The following NUP133 variants were observed in gnomAD, a reference collection of about 807,000 sequenced individuals.
The protein encoded by NUP133 is nuclear pore complex protein Nup133.
In NUP133, 66 loss-of-function variants were observed where a neutral mutation model predicts 146.2. That is an observed-to-expected ratio of 0.45 (90% CI 0.37 to 0.55). The LOEUF (loss-of-function observed/expected upper bound fraction) is 0.55. NUP133 is among the 20% of genes least tolerant of loss of function. The probability of loss-of-function intolerance (pLI) is 0.00; values close to 1 mark genes in which losing one functional copy is unlikely to be tolerated. For missense variants in NUP133, 1,277 were observed against 1,374.8 expected (o/e 0.93, Z 1.12); for synonymous variants, 521 against 498.8 (o/e 1.04, Z -0.59).
At chr1:229,476,619 A>G (rs1661079879) in intron 13 of NUP133, among the ~76,000 whole-genome samples, 1 of 152,164 alleles carries the variant, frequency 6.6e-6, no homozygotes, top group African/African-American at 2.4e-5. Flanking sequence ...TGCCAAAATT[A>G]TCATTTAATT....
chr1:229,501,783 AAAC>A (rs1474248365), intron 3 of NUP133, among the ~76,000 whole-genome samples: 1 of 152,236 alleles, frequency 6.6e-6, no homozygotes, highest in Admixed American at 6.5e-5. Flanking sequence ...TATTAAATGT[AAAC>A]AACACAGATC....
intron 15 of NUP133, among the ~76,000 whole-genome samples, chr1:229,469,369 C>T (rs1487322755): frequency 6.6e-6 from 1 of 152,218 alleles, no homozygotes; most frequent in African/African-American, 2.4e-5. Context: ...GGCTGCCCAG[C>T]ATCTTAACCA....
rs554392392 is a variant in NUP133 at position 229,504,450 on chromosome 1, C to T, written c.301+1590G>A. Among the ~76,000 whole-genome samples, 4 of 152,298 alleles carry T rather than the reference C, an allele frequency of 2.6e-5. No homozygotes were observed. The East Asian group carries it at 7.7e-4, about 29-fold the overall frequency. On this transcript the variant is annotated intron_variant, in intron 2 of 25. Transcript: ENST00000261396. ...TTGCTCTTCCAGTGTCATCCAACTG[C>T]TCATCTTTAAAGTTGCCTTTCTAAG...
intron 23 of NUP133, among the ~76,000 whole-genome samples, chr1:229,449,873 ATTTTTTTTTT>A (rs71281043): frequency 1.2e-5 from 1 of 85,798 alleles, no homozygotes; most frequent in African/African-American, 5.1e-5. Flanking sequence ...ATATATATAT[ATTTTTTTTTT>A]TTTTTTTTTT....
intron 19 of NUP133, among the ~76,000 whole-genome samples, chr1:229,462,999 T>C (rs1344396478): frequency 2.0e-5 from 3 of 152,236 alleles, no homozygotes; most frequent in Non-Finnish European, 4.4e-5. Flanking sequence ...CCAATATTCA[T>C]GTACCTAAGT....
chr1:229,477,483 T>C (rs994482670), intron 13 of NUP133, 114 bp downstream of exon 13: 46 of 739,970 alleles, frequency 6.2e-5, no homozygotes, highest in Non-Finnish European at 6.7e-5. Context: ...TTAAAAAATA[T>C]TGAATTAATA....
chr1:229,477,661 G>A lies in NUP133; in HGVS notation c.1692C>T (p.Ile564=), dbSNP rs760497140. ...GGTAGTCATCCATCAGGTCTACACTGATTTGGGTAACTGCCCTGTCTAGTT... is the reference window on the plus strand; with the variant it reads ...GGTAGTCATCCATCAGGTCTACACTAATTTGGGTAACTGCCCTGTCTAGTT... ...DSELDRAVTQ[I]SVDLMDDYPA... The change falls in exon 13 of 26, where the codon ATC becomes ATT. Residue 564 remains isoleucine, a synonymous_variant. Transcript: ENST00000261396. The A allele has an allele frequency of 6.2e-7, 1 of 1,614,090 alleles. No homozygotes were observed. Among genetic ancestry groups the A allele is most frequent in the Non-Finnish European group, 8.5e-7 (1 of 1,179,996 alleles).
chr1:229,506,673 G>A (rs913970222), intron 1 of NUP133, among the ~76,000 whole-genome samples: 2 of 151,830 alleles, frequency 1.3e-5, no homozygotes, highest in Non-Finnish European at 2.9e-5. Flanking sequence ...TTGGGAGGCC[G>A]AAGCGGGAAG....
chr1:229,464,592 T>C (rs746361602), intron 18 of NUP133, 32 bp downstream of exon 18: 5 of 1,607,714 alleles, frequency 3.1e-6, no homozygotes, highest in Non-Finnish European at 4.3e-6. Context: ...ATTCAGCAAA[T>C]TTAAAACTCT....
chr1:229,460,079 T>C lies in NUP133; in HGVS notation c.2844+532A>G, dbSNP rs754597527. On this transcript the variant is annotated intron_variant, in intron 20 of 25. Transcript: ENST00000261396. ...CGAACAAATGTACGGTGATGTCTCA[T>C]TGTGATATAAATTTGCATTTCCCTA... 2.6e-5 allele frequency among the ~76,000 whole-genome samples: 4 copies of C among 152,240 alleles called. No individual in the cohort carries two copies. The South Asian group carries it at 8.3e-4, about 32-fold the overall frequency.
intron 15 of NUP133, 102 bp from the exon 16 acceptor site, chr1:229,466,858 T>C (rs896291426): frequency 4.7e-5 from 44 of 938,856 alleles, no homozygotes; most frequent in African/African-American, 4.2e-4. Flanking sequence ...CTCAGACCTA[T>C]AGATGGAGGA....
chr1:229,500,691 T>C, intron 4 of NUP133, 65 bp downstream of exon 4: 14 of 898,452 alleles, frequency 1.6e-5, no homozygotes, highest in Non-Finnish European at 2.3e-5. Flanking sequence ...AAGAGGATGA[T>C]TCCTCTAACT....
Position 229,486,377 on chromosome 1 carries a change from G to A in NUP133, c.1494C>T (p.Asn498=), listed in dbSNP as rs61756009. 5,186 of 1,576,896 alleles carry A rather than the reference G, an allele frequency of 3.3e-3. 26 individuals are homozygous for A. Among genetic ancestry groups the A allele is most frequent in the Non-Finnish European group, 3.4e-3 (4,014 of 1,171,422 alleles). The change falls in exon 11 of 26, where the codon AAC becomes AAT. Residue 498 remains asparagine, a synonymous_variant. Transcript: ENST00000261396. ...GSLASSVAGP[N]SESMIFETTT... ...TCTTATCGAATCACATTACCTCACTGTTTGGTCCAGCAACTGAAGATGCTA... is the reference window on the plus strand; with the variant it reads ...TCTTATCGAATCACATTACCTCACTATTTGGTCCAGCAACTGAAGATGCTA...
intron 17 of NUP133, 29 bp downstream of exon 17, chr1:229,465,391 G>T (rs765088370): frequency 2.7e-6 from 4 of 1,483,852 alleles, no homozygotes; most frequent in South Asian, 2.3e-5. Flanking sequence ...AATATATTTT[G>T]AACAACTGTT....
chr1:229,488,090 C>A (rs987239152), intron 9 of NUP133, among the ~76,000 whole-genome samples: 1 of 152,104 alleles, frequency 6.6e-6, no homozygotes, highest in South Asian at 2.1e-4. Context: ...AGGTGATCCA[C>A]CCACCTCAGC....
At chr1:229,505,047 A>C (rs1661899322) in intron 2 of NUP133, among the ~76,000 whole-genome samples, 1 of 152,128 alleles carries the variant, frequency 6.6e-6, no homozygotes, top group Non-Finnish European at 1.5e-5. Context: ...AGACCTTTTC[A>C]TTATTTATTT....
rs772756679 is a variant in NUP133 at position 229,465,503 on chromosome 1, G to A, written c.2216C>T (p.Ala739Val). The change falls in exon 17 of 26, where the codon GCT (alanine) becomes GTT (valine). Residue 739 changes from alanine to valine, a missense_variant. Physicochemically the swap from Ala to Val is moderately conservative, Grantham distance 64. Around this residue, in one of 3 missense-constraint regions of NUP133, gnomAD observed 952 missense variants for 1,047.0 expected, o/e 0.91. Transcript: ENST00000261396. ...GTTTCTATTTTGGCGATAATGACTA[G>A]CAGCCTGCAGCATATCCTGGAAAAA... ...NNILKDMLQAASHYRQNRNSL... is the reference protein window; with the variant it reads ...NNILKDMLQAVSHYRQNRNSL... 6.2e-7 allele frequency: 1 copy of A among 1,613,346 alleles called. No individual in the cohort carries two copies. Among genetic ancestry groups the A allele is most frequent in the Non-Finnish European group, 8.5e-7 (1 of 1,179,456 alleles).
Position 229,485,316 on chromosome 1 carries a change from T to C in NUP133, c.1500+1055A>G, listed in dbSNP as rs192377997. Among the ~76,000 whole-genome samples the C allele has an allele frequency of 1.9e-3, 293 of 152,152 alleles. 1 individual carries two copies. The highest frequency in any genetic ancestry group is 6.8e-3 in the Middle Eastern group (2 of 294). On this transcript the variant is annotated intron_variant, in intron 11 of 25. Coordinates refer to ENST00000261396, the MANE Select transcript of NUP133 (RefSeq NM_018230.3). ...ACAGGTCCTGAGGATTTGAGGACAATAGAAAAGGGAAGTTCTGGGATGACA... is the reference window on the plus strand; with the variant it reads ...ACAGGTCCTGAGGATTTGAGGACAACAGAAAAGGGAAGTTCTGGGATGACA...
At position 229,449,328 on chromosome 1, in the gene NUP133, A is replaced by G. The variant is rs117848294; in HGVS notation, c.3181-138T>C. 4,994 of 596,380 alleles carry G rather than the reference A, an allele frequency of 8.4e-3. 72 individuals are homozygous for G. Among genetic ancestry groups the G allele is most frequent in the South Asian group, 0.038 (1,843 of 48,806 alleles). 36.9% of individuals were successfully genotyped at this position (596,380 alleles called of 1,614,324 possible). ...ATTACTTTCAGGTTACTCTGTGGTG[A>G]TGATGATTTTATCAGCAACCTTGAG... is the stretch of plus-strand genomic sequence containing the variant. On this transcript the variant is annotated intron_variant, in intron 23 of 25. Transcript: ENST00000261396.
Sources: allele counts gnomAD v4.1 joint callset (sites outside exome capture counted in the v4.1 genomes callset), GRCh38; gene constraint gnomAD v4.1.1; regional missense constraint gnomAD v4.1.1; transcripts MANE v1.5; gene names NCBI Gene and HGNC (gene_info 2026-07-23, HGNC 2026-07-21).